Variants in GRM7 observed in about 807,000 individuals in gnomAD.
GRM7 encodes glutamate metabotropic receptor 7, also known as metabotropic glutamate receptor 7.
GRM7 carries 35 observed loss-of-function variants against 84.5 expected under a neutral mutation model. The ratio of observed to expected loss-of-function variants is 0.41; its 90% CI spans 0.32 to 0.55. The LOEUF is 0.55. Among genes scored for constraint, GRM7 ranks in the 20% least tolerant of loss-of-function variants. The pLI is 0.19. For missense variants in GRM7, 1,003 were observed against 1,194.6 expected (o/e 0.84, Z 2.36); for synonymous variants, 487 against 455.1 (o/e 1.07, Z -0.89).
intron 1 of GRM7, among the ~76,000 whole-genome samples, chr3:6,974,671 C>T (rs1229485778): frequency 6.6e-6 from 1 of 152,044 alleles, no homozygotes; most frequent in Admixed American, 6.6e-5. Context: ...AGAGCTGCTG[C>T]CTGATGGGGT....
At chr3:7,042,966 ATCTT>A (rs1458052665) in intron 1 of GRM7, among the ~76,000 whole-genome samples, 1 of 152,074 alleles carries the variant, frequency 6.6e-6, no homozygotes, top group Non-Finnish European at 1.5e-5. Flanking sequence ...ATCCTTTTTC[ATCTT>A]TCTTTTAAGA....
chr3:7,405,210 T>G (rs115301305), intron 4 of GRM7, among the ~76,000 whole-genome samples: 4 of 152,212 alleles, frequency 2.6e-5, no homozygotes, highest in African/African-American at 9.6e-5. Context: ...CTTGAAAATA[T>G]GTCATATCAA....
At chr3:7,015,594 G>T (rs746668210) in intron 1 of GRM7, among the ~76,000 whole-genome samples, 5 of 152,204 alleles carry the variant, frequency 3.3e-5, no homozygotes, top group Non-Finnish European at 7.3e-5. Context: ...TTAACTAGCT[G>T]GTTCTGGCTT....
intron 5 of GRM7, among the ~76,000 whole-genome samples, chr3:7,425,296 G>C (rs1001027784): frequency 6.6e-6 from 1 of 152,106 alleles, no homozygotes; most frequent in Non-Finnish European, 1.5e-5. Flanking sequence ...GTATTTTCCA[G>C]TTTATGTTCA....
At chr3:7,677,855 A>G (rs1700197162) in intron 8 of GRM7, among the ~76,000 whole-genome samples, 3 of 152,236 alleles carry the variant, frequency 2.0e-5, no homozygotes, top group African/African-American at 4.8e-5. Context: ...GAATCAACCT[A>G]GGTGCATCGA....
At chr3:7,057,018 G>A (rs1341018759) in intron 1 of GRM7, among the ~76,000 whole-genome samples, 1 of 151,890 alleles carries the variant, frequency 6.6e-6, no homozygotes, top group East Asian at 1.9e-4. Flanking sequence ...GGATTTTGTA[G>A]GGGAAGTCTG....
chr3:7,214,114 CAAAA>C (rs34038958), intron 2 of GRM7, among the ~76,000 whole-genome samples: 1 of 126,596 alleles, frequency 7.9e-6, no homozygotes. Flanking sequence ...ACTAATCAGC[CAAAA>C]AAAAAAAAAA....
chr3:7,646,927 G>C (rs1005486846), intron 8 of GRM7, among the ~76,000 whole-genome samples: 1 of 152,180 alleles, frequency 6.6e-6, no homozygotes, highest in African/African-American at 2.4e-5. Flanking sequence ...GCTGAGGCAC[G>C]AACAGGGTCT....
Position 6,861,559 on chromosome 3 carries a change from G to A in GRM7, c.171G>A (p.Val57=), listed in dbSNP as rs769067963. The A allele has an allele frequency of 1.3e-6, 2 of 1,595,316 alleles. No homozygotes were observed. The highest frequency in any genetic ancestry group is 2.3e-5 in the South Asian group (2 of 88,804). Residue 57 remains valine (V), a synonymous_variant, in exon 1 of 10, where the codon GTG becomes GTA. Transcript: ENST00000357716. The surrounding 1 kb of genome is among the most constrained non-coding windows in gnomAD (Gnocchi z 6.4). ...TCACCCTCGGGGGGCTGTTCCCCGT[G>A]CACGCCAAGGGTCCCAGCGGAGTGC... is the stretch of plus-strand genomic sequence containing the variant. ...GDVTLGGLFP[V]HAKGPSGVPC... is the part of the protein sequence containing the mutation.
intron 8 of GRM7, among the ~76,000 whole-genome samples, chr3:7,674,760 C>T (rs1700061103): frequency 4.6e-5 from 7 of 152,226 alleles, no homozygotes; most frequent in Admixed American, 4.6e-4. Context: ...CCTGGCGTGT[C>T]ACCCTTGTGT....
intron 8 of GRM7, among the ~76,000 whole-genome samples, chr3:7,645,882 T>C (rs1353313699): frequency 6.6e-6 from 1 of 152,224 alleles, no homozygotes; most frequent in African/African-American, 2.4e-5. Context: ...ACAGAACTTA[T>C]CACACCCAGT....
intron 8 of GRM7, among the ~76,000 whole-genome samples, chr3:7,662,517 A>G (rs575217648): frequency 6.6e-6 from 1 of 152,246 alleles, no homozygotes; most frequent in Admixed American, 6.5e-5. Flanking sequence ...CATATGAGAC[A>G]TTTTTGGGAC....
chr3:7,085,264 T>C (rs530642469), intron 1 of GRM7, among the ~76,000 whole-genome samples: 4 of 152,320 alleles, frequency 2.6e-5, no homozygotes, highest in Admixed American at 2.6e-4. Context: ...TCATCTTTTA[T>C]AAAAATCCAG....
chr3:7,438,906 T>C (rs760074939), intron 5 of GRM7, among the ~76,000 whole-genome samples: 1 of 152,184 alleles, frequency 6.6e-6, no homozygotes, highest in Non-Finnish European at 1.5e-5. Flanking sequence ...AAGAGTTTAA[T>C]TGTAGACATG....
intron 5 of GRM7, among the ~76,000 whole-genome samples, chr3:7,432,644 A>G (rs1295010700): frequency 6.6e-6 from 1 of 152,082 alleles, no homozygotes; most frequent in Non-Finnish European, 1.5e-5. Flanking sequence ...TAAAAAAAAA[A>G]AAAATAGAAA....
intron 1 of GRM7, among the ~76,000 whole-genome samples, chr3:7,050,092 G>C (rs79769225): frequency 6.6e-6 from 1 of 151,794 alleles, no homozygotes; most frequent in Non-Finnish European, 1.5e-5. Context: ...AGAATGGAAG[G>C]ATACAAGGCT....
intron 2 of GRM7, among the ~76,000 whole-genome samples, chr3:7,187,733 G>C (rs1012351447): frequency 6.6e-6 from 1 of 152,108 alleles, no homozygotes; most frequent in African/African-American, 2.4e-5. Context: ...GTAATTTTGG[G>C]GTCATTGGGT....
chr3:7,414,175 A>AT (rs1325740487), intron 4 of GRM7, among the ~76,000 whole-genome samples: 4 of 152,142 alleles, frequency 2.6e-5, no homozygotes, highest in Non-Finnish European at 5.9e-5. Flanking sequence ...ACTTTGAATA[A>AT]TTTAAGTATT....
chr3:6,925,124 AC>A (rs1412558008), intron 1 of GRM7, among the ~76,000 whole-genome samples: 1 of 152,172 alleles, frequency 6.6e-6, no homozygotes, highest in Non-Finnish European at 1.5e-5. Context: ...GAGAAGACTT[AC>A]TTTTGGGCAA....
Sources: gnomAD v4.1 joint callset for allele counts (sites outside exome capture counted in the v4.1 genomes callset) on GRCh38, gnomAD v4.1.1 for gene constraint, Gnocchi (gnomAD v3.1) non-coding constraint, MANE v1.5 for transcripts, NCBI Gene and HGNC (gene_info 2026-07-23, HGNC 2026-07-21) for gene names.